Variants in AKR1C3 observed in about 807,000 individuals in gnomAD.
AKR1C3 encodes the protein 3-alpha hydroxysteroid dehydrogenase, type II.
Under a neutral mutation model 43.6 loss-of-function variants are expected in AKR1C3, and 48 were observed. That is an observed-to-expected ratio of 1.10 (90% CI 0.87 to 1.40). The LOEUF (loss-of-function observed/expected upper bound fraction) is 1.40, where lower values mean the gene tolerates loss of function less well. Among genes scored for constraint, AKR1C3 ranks in the 40% most tolerant of loss-of-function variants. The probability of loss-of-function intolerance (pLI) is 0.00; values close to 1 mark genes in which losing one functional copy is unlikely to be tolerated. For synonymous variants in AKR1C3, 162 were observed against 139.6 expected, an observed-to-expected ratio of 1.16 and a Z score of -1.13; for missense variants, 482 against 391.2, an observed-to-expected ratio of 1.23 and a Z score of -1.96.
chr10:5,082,149 T>G (rs1198459316), intron 1 of AKR1C3, among the ~76,000 whole-genome samples: 2 of 152,184 alleles, frequency 1.3e-5, no homozygotes, highest in South Asian at 2.1e-4. Context: ...CTCTTGAAAC[T>G]TTACTGAGGT....
chr10:5,051,483 T>C (rs1345310410), intron 1 of AKR1C3, among the ~76,000 whole-genome samples: 1 of 152,242 alleles, frequency 6.6e-6, no homozygotes, highest in Non-Finnish European at 1.5e-5. Flanking sequence ...TATAAAGTCA[T>C]GCTCTCAAAA....
chr10:5,085,745 A>G (rs1838951192), intron 1 of AKR1C3, among the ~76,000 whole-genome samples: 1 of 151,846 alleles, frequency 6.6e-6, no homozygotes, highest in African/African-American at 2.4e-5. Context: ...TATTGCCTCA[A>G]CTTCAGAGCC....
upstream of AKR1C3, among the ~76,000 whole-genome samples, chr10:5,090,725 T>A (rs147625399): frequency 7.4e-3 from 1,119 of 152,236 alleles, 54 homozygotes; most frequent in Non-Finnish European, 2.3e-3. Flanking sequence ...AGCATTGTTA[T>A]ACTGTGTTGG....
intron 1 of AKR1C3, among the ~76,000 whole-genome samples, chr10:5,088,239 A>T (rs1371227292): frequency 2.0e-5 from 3 of 152,140 alleles, no homozygotes; most frequent in Admixed American, 6.5e-5. Flanking sequence ...ATAACCAAGG[A>T]TGTGGTCAAT....
intron 3 of AKR1C3, chr10:5,097,879 T>C: frequency 8.9e-7 from 1 of 1,119,760 alleles, no homozygotes; most frequent in South Asian, 2.2e-5. Flanking sequence ...TTTCATGCAG[T>C]TGTGGTGCCC....
intron 1 of AKR1C3, among the ~76,000 whole-genome samples, chr10:5,081,520 T>C (rs1554782352): frequency 6.6e-6 from 1 of 152,238 alleles, no homozygotes; most frequent in African/African-American, 2.4e-5. Context: ...AAATATATTT[T>C]GTGGTTAATG....
At position 5,098,783 on chromosome 10, in the gene AKR1C3, A is replaced by G; in HGVS notation, c.370-19A>G. ...GAAATTAATTTGTGACATCATTAAA[A>G]TGACTGCTTCTATTTCAGCCAGGTG... On this transcript the variant is annotated intron_variant, in intron 3 of 8. Transcript: ENST00000380554. 1 of 1,609,928 alleles carries G rather than the reference A, an allele frequency of 6.2e-7. No homozygotes were observed. The highest frequency in any genetic ancestry group is 8.5e-7 in the Non-Finnish European group (1 of 1,176,578).
chr10:5,054,806 G>C lies in AKR1C3; in HGVS notation c.84+5911G>C, dbSNP rs528520646. Among the ~76,000 whole-genome samples the C allele has an allele frequency of 7.9e-5, 12 of 151,950 alleles. No homozygotes were observed. In the South Asian group the frequency reaches 2.5e-3, roughly 32 times the overall value. ...CCTCTGTCTCTTTCTTTGACTTCCTGTCTCTTTCTTTCCTTTCTGCTGCCT... is the reference window on the plus strand; with the variant it reads ...CCTCTGTCTCTTTCTTTGACTTCCTCTCTCTTTCTTTCCTTTCTGCTGCCT... On this transcript the variant is annotated intron_variant, in intron 1 of 8. Coordinates refer to the AKR1C3 transcript ENST00000439082.
At chr10:5,078,611 T>C (rs964906984) in intron 1 of AKR1C3, among the ~76,000 whole-genome samples, 2 of 152,162 alleles carry the variant, frequency 1.3e-5, no homozygotes, top group African/African-American at 4.8e-5. Flanking sequence ...TGTTCGTGAG[T>C]TGATTTTCTC....
chr10:5,076,820 C>G (rs1363622581), intron 1 of AKR1C3, among the ~76,000 whole-genome samples: 2 of 152,146 alleles, frequency 1.3e-5, no homozygotes, highest in African/African-American at 4.8e-5. Context: ...ACGCCATTAC[C>G]CAGCCAAAGG....
chr10:5,107,013 C>T (rs773642728), intron 8 of AKR1C3, among the ~76,000 whole-genome samples: 1 of 152,114 alleles, frequency 6.6e-6, no homozygotes, highest in Admixed American at 6.5e-5. Flanking sequence ...TTATCTGTTC[C>T]TTTATATTTC....
intron 1 of AKR1C3, among the ~76,000 whole-genome samples, chr10:5,051,061 G>A (rs147335882): frequency 6.6e-6 from 1 of 152,148 alleles, no homozygotes; most frequent in East Asian, 1.9e-4. Flanking sequence ...GTACAGGAAT[G>A]TTTTTGAAGA....
chr10:5,102,031 C>T, intron 5 of AKR1C3, 70 bp from the exon 6 acceptor site: 1 of 1,007,006 alleles, frequency 9.9e-7, no homozygotes, highest in Non-Finnish European at 1.6e-6. Flanking sequence ...AGCTTCCTTA[C>T]TTTCATCTTT....
intron 1 of AKR1C3, among the ~76,000 whole-genome samples, chr10:5,061,588 A>G (rs536353264): frequency 1.3e-5 from 2 of 152,322 alleles, no homozygotes; most frequent in Admixed American, 1.3e-4. Flanking sequence ...TGGGATAATT[A>G]TATGTTGTGC....
chr10:5,081,487 G>T (rs1244856471), intron 1 of AKR1C3, among the ~76,000 whole-genome samples: 2 of 152,100 alleles, frequency 1.3e-5, no homozygotes, highest in African/African-American at 2.4e-5. Context: ...GAGAGTCTCT[G>T]AAAAACAATC....
intron 1 of AKR1C3, among the ~76,000 whole-genome samples, chr10:5,080,056 A>G (rs1478158488): frequency 6.6e-6 from 1 of 152,174 alleles, no homozygotes; most frequent in Non-Finnish European, 1.5e-5. Context: ...CACGGCCTCT[A>G]TACTGGTATT....
intron 1 of AKR1C3, among the ~76,000 whole-genome samples, chr10:5,072,069 G>A (rs1838621155): frequency 6.6e-6 from 1 of 151,914 alleles, no homozygotes; most frequent in South Asian, 2.1e-4. Context: ...TTTTTTTCTG[G>A]CTCTTATGAT....
At chr10:5,097,800 GTC>G (rs1839245459) in intron 3 of AKR1C3, 5 of 1,232,768 alleles carry the variant, frequency 4.1e-6, no homozygotes, top group South Asian at 1.7e-5. Flanking sequence ...AATTACAATA[GTC>G]TCTTTCAAGG....
At chr10:5,106,104 A>G (rs1229457541) in intron 8 of AKR1C3, among the ~76,000 whole-genome samples, 1 of 152,194 alleles carries the variant, frequency 6.6e-6, no homozygotes, top group African/African-American at 2.4e-5. Context: ...CCAGGTGCCA[A>G]TTCCCACCTC....
Sources: allele counts gnomAD v4.1 joint callset (sites outside exome capture counted in the v4.1 genomes callset), GRCh38; gene constraint gnomAD v4.1.1; transcripts MANE v1.5; gene names NCBI Gene and HGNC (gene_info 2026-07-23, HGNC 2026-07-21).